SASH1: variants seen among roughly 807,000 people sequenced by gnomAD.
SASH1 encodes the protein SAM and SH3 domain containing 1, also known as SAM and SH3 domain-containing protein 1.
In SASH1, 44 loss-of-function variants were observed where a neutral mutation model predicts 125.2. The ratio of observed to expected loss-of-function variants is 0.35; its 90% CI spans 0.28 to 0.45. The LOEUF (loss-of-function observed/expected upper bound fraction) is 0.45, where lower values mean the gene tolerates loss of function less well. SASH1 is among the 20% of genes least tolerant of loss of function. The pLI, the probability that SASH1 is intolerant of heterozygous loss-of-function variation, is 1.00. For synonymous variants in SASH1, 639 were observed against 649.1 expected, an observed-to-expected ratio of 0.98 and a Z score of 0.24; for missense variants, 1,426 against 1,614.5, an observed-to-expected ratio of 0.88 and a Z score of 2.00.
At chr6:148,356,692 T>C (rs977398054) in intron 1 of SASH1, among the ~76,000 whole-genome samples, 76 of 152,196 alleles carry the variant, frequency 5.0e-4, no homozygotes, top group African/African-American at 1.8e-3. Flanking sequence ...TGACCTCAGG[T>C]GATCCTCCAG....
intron 2 of SASH1, among the ~76,000 whole-genome samples, chr6:148,426,759 A>G (rs1583140046): frequency 6.6e-6 from 1 of 152,218 alleles, no homozygotes; most frequent in East Asian, 1.9e-4. Context: ...AGAGAAAGCA[A>G]AAGGAAATGA....
In SASH1 at chr6:148,474,293, A is replaced by C. The variant is rs1376998625; in HGVS notation, c.627+71A>C. On this transcript the variant is annotated intron_variant, in intron 7 of 19. Transcript: ENST00000367467. ...CTGAAGTGTAAAAATGTTTGCGGCC[A>C]ACAAGGGGTATAGGAATCAGGTACC... The C allele has an allele frequency of 8.0e-6, 7 of 874,946 alleles. No individual in the cohort carries two copies. In the African/African-American group the frequency reaches 8.4e-5, roughly 10 times the overall value. 54.2% of individuals were successfully genotyped at this position (874,946 alleles called of 1,614,324 possible).
intron 1 of SASH1, among the ~76,000 whole-genome samples, chr6:148,355,574 T>G (rs111864314): frequency 1.5e-3 from 223 of 152,344 alleles, no homozygotes; most frequent in African/African-American, 4.9e-3. Context: ...TAATATTTTG[T>G]ATCAAGAACT....
At chr6:148,195,774 A>G in the SASH1 span, among the ~76,000 whole-genome samples, 2 of 152,174 alleles carry the variant, frequency 1.3e-5, no homozygotes, top group African/African-American at 4.8e-5. Context: ...CAGCACAGAC[A>G]CCCAGTGACA....
chr6:148,437,115 A>G (rs1265046006), intron 2 of SASH1, among the ~76,000 whole-genome samples: 1 of 152,218 alleles, frequency 6.6e-6, no homozygotes. Flanking sequence ...CACATGGCAC[A>G]TTATAGGAAT....
intron 4 of SASH1, among the ~76,000 whole-genome samples, chr6:148,449,078 C>CTTTTTCTTTTTCTTTTTTTTTT: frequency 1.0e-4 from 9 of 88,736 alleles, no homozygotes; most frequent in Non-Finnish European, 1.6e-4. Flanking sequence ...CATTTCATTT[C>CTTTTTCTTTTTCTTTTTTTTTT]TTTTTTTTTT....
At chr6:148,293,135 A>T (rs1779677959) in intron 1 of SASH1, among the ~76,000 whole-genome samples, 1 of 152,096 alleles carries the variant, frequency 6.6e-6, no homozygotes, top group Non-Finnish European at 1.5e-5. Flanking sequence ...ATAATCTCAA[A>T]GGGCTCATTT....
At chr6:148,534,622 C>T in intron 15 of SASH1, 129 bp from the exon 16 acceptor site, 2 of 888,210 alleles carry the variant, frequency 2.3e-6, no homozygotes, top group South Asian at 3.0e-5. Flanking sequence ...GCAAATGATA[C>T]TTACTAATCT....
chr6:148,504,938 C>T (rs1469328512), intron 8 of SASH1, among the ~76,000 whole-genome samples: 1 of 152,158 alleles, frequency 6.6e-6, no homozygotes, highest in Non-Finnish European at 1.5e-5. Flanking sequence ...AAGTCCTGTG[C>T]TGTGAGGAGA....
chr6:148,428,912 C>G (rs561740527), intron 2 of SASH1, among the ~76,000 whole-genome samples: 2 of 152,196 alleles, frequency 1.3e-5, no homozygotes, highest in South Asian at 2.1e-4. Context: ...ATTTCTTATA[C>G]CAGGCCAAGA....
chr6:148,544,192 A>T lies in SASH1; in HGVS notation c.2722A>T (p.Thr908Ser), dbSNP rs777327837. 1.2e-6 allele frequency: 2 copies of T among 1,614,108 alleles called. No homozygotes were observed. The highest frequency in any genetic ancestry group is 1.7e-6 in the Non-Finnish European group (2 of 1,180,014). Residue 908 changes from threonine (T) to serine (S), a missense_variant, in exon 18 of 20, where the codon ACT becomes TCT. Thr to Ser is a moderately conservative substitution (Grantham distance 58). This residue lies in a region of SASH1 where 634 missense variants were observed against 694.4 expected (regional missense o/e 0.91). Transcript: ENST00000367467. The surrounding 1 kb of genome is among the most constrained non-coding windows in gnomAD (Gnocchi z 6.4). ...KRFSEPQKLT[T>S]KKLEGSIAAS... is the part of the protein sequence containing the mutation. The stretch of plus-strand genomic sequence containing the variant: ...ATTTTCTGAACCTCAGAAATTGACA[A>T]CTAAGAAACTGGAGGGCTCAATCGC...
chr6:148,453,553 G>C (rs1486671895), intron 4 of SASH1, among the ~76,000 whole-genome samples: 1 of 152,128 alleles, frequency 6.6e-6, no homozygotes, highest in South Asian at 2.1e-4. Flanking sequence ...ATCCAGCTCT[G>C]TTTATCTGCA....
Position 148,540,990 on chromosome 6 carries a change from T to G in SASH1, c.2209+434T>G, listed in dbSNP as rs562089894. On this transcript the variant is annotated intron_variant, in intron 17 of 19. Coordinates refer to ENST00000367467, the MANE Select transcript of SASH1 (RefSeq NM_015278.5). ...GGATTGGATGGCCACATGTCTTGTT[T>G]GTGGCCTCTCTGTACAGCCAGTCAG... 4.6e-5 allele frequency among the ~76,000 whole-genome samples: 7 copies of G among 152,204 alleles called. No homozygotes were observed. In the South Asian group the frequency reaches 8.3e-4, roughly 18 times the overall value.
rs200436832 is a variant in SASH1, at chr6:148,519,781, C to G, written c.1097C>G (p.Pro366Arg). 54 of 1,613,926 alleles carry G rather than the reference C, an allele frequency of 3.3e-5. No homozygotes were observed. The East Asian group carries it at 7.6e-4, about 23-fold the overall frequency. The change falls in exon 10 of 20, where the codon CCC becomes CGC. Residue 366 changes from proline (P) to arginine (R), a missense_variant. This residue lies in a region of SASH1 where 567 missense variants were observed against 575.6 expected (regional missense o/e 0.99). Coordinates refer to ENST00000367467, the MANE Select transcript of SASH1 (RefSeq NM_015278.5). This position sits in a 1 kb window ranked among gnomAD's most constrained non-coding sequence, Gnocchi z 4.8. ...KGESRGLIKP[P>R]KKMGTFFSYP... ...GAGAGCCGGGGCCTGATTAAGCCCC[C>G]CAAGAAGATGGGGACATTCTTCTCC...
Position 148,532,933 on chromosome 6 carries a change from C to T in SASH1, c.1701C>T (p.Pro567=), listed in dbSNP as rs373702312. The T allele has an allele frequency of 5.0e-6, 8 of 1,614,086 alleles. No individual in the cohort carries two copies. The African/African-American group carries it at 9.3e-5, about 19-fold the overall frequency. ...CCAGGGTGCACACCGACTTCACCCC[C>T]AGTCCCTATGACACAGACTCACTCA... ...GRARVHTDFT[P]SPYDTDSLKL... The change falls in exon 14 of 20, where the codon CCC becomes CCT. Residue 567 remains proline, a synonymous_variant. Transcript: ENST00000367467. The surrounding 1 kb of genome is among the most constrained non-coding windows in gnomAD (Gnocchi z 4.7).
At chr6:148,526,046 CTTTTTTTTTTTTTTTTTT>C (rs34023266) in intron 11 of SASH1, among the ~76,000 whole-genome samples, 2 of 54,132 alleles carry the variant, frequency 3.7e-5, no homozygotes, top group Non-Finnish European at 6.7e-5. Context: ...GAAGGTGAGT[CTTTTTTTTTTTTTTTTTT>C]TTTTTTTTTT....
In SASH1 at chr6:148,377,169, CAAAAAAA is replaced by C. The variant is rs59339599; in HGVS notation, c.157-12957_157-12951del. Among the ~76,000 whole-genome samples the C allele has an allele frequency of 1.7e-4, 16 of 94,198 alleles. No individual in the cohort carries two copies. The South Asian group carries it at 5.7e-3, about 34-fold the overall frequency. 61.8% of individuals were successfully genotyped at this position (94,198 alleles called of 152,430 possible). ...TGGGCGACAGAGCGAGACTCCGTCTCAAAAAAAAAAAAAACAAAAAAAAAACAAAAAA... is the reference window on the plus strand; with the variant it reads ...TGGGCGACAGAGCGAGACTCCGTCTCAAAAAAACAAAAAAAAAACAAAAAA... On this transcript the variant is annotated intron_variant, in intron 1 of 19. Coordinates refer to ENST00000367467, the MANE Select transcript of SASH1 (RefSeq NM_015278.5).
chr6:148,215,545 A>G, the SASH1 span, among the ~76,000 whole-genome samples: 1 of 152,178 alleles, frequency 6.6e-6, no homozygotes, highest in Non-Finnish European at 1.5e-5. Flanking sequence ...GGTTATCCTC[A>G]TGAGGACAGA....
chr6:148,233,214 TAA>T, the SASH1 span, among the ~76,000 whole-genome samples: 47 of 126,362 alleles, frequency 3.7e-4, no homozygotes, highest in Admixed American at 5.6e-4. Context: ...AACTCCATCT[TAA>T]AAAAAAAAAA....
Sources: gnomAD v4.1 joint callset for allele counts (sites outside exome capture counted in the v4.1 genomes callset) on GRCh38, gnomAD v4.1.1 for gene constraint, gnomAD v4.1.1 regional missense constraint, Gnocchi (gnomAD v3.1) non-coding constraint, MANE v1.5 for transcripts, NCBI Gene and HGNC (gene_info 2026-07-23, HGNC 2026-07-21) for gene names.